Variants in DLGAP2 observed in about 807,000 individuals in gnomAD.
The protein encoded by DLGAP2 is disks large-associated protein 2.
DLGAP2 carries 26 observed loss-of-function variants against 100.3 expected under a neutral mutation model. The ratio of observed to expected loss-of-function variants is 0.26; its 90% CI spans 0.19 to 0.36. The LOEUF (loss-of-function observed/expected upper bound fraction) is 0.36. DLGAP2 is among the 10% of genes least tolerant of loss of function. The pLI is 1.00. For missense variants in DLGAP2, 1,858 were observed against 1,453.2 expected (o/e 1.28, Z -4.53); for synonymous variants, 886 against 630.1 (o/e 1.41, Z -6.08).
chr8:1,201,546 G>A (rs188755968), intron 2 of DLGAP2, among the ~76,000 whole-genome samples: 13 of 152,306 alleles, frequency 8.5e-5, no homozygotes, highest in African/African-American at 2.9e-4. Flanking sequence ...TCGCATCTCC[G>A]GACGGATATA....
chr8:1,364,031 C>T (rs371259491), intron 3 of DLGAP2, among the ~76,000 whole-genome samples: 1 of 152,182 alleles, frequency 6.6e-6, no homozygotes, highest in African/African-American at 2.4e-5. Context: ...CACTGATCCT[C>T]ATGGAACCCC....
chr8:1,368,178 G>A (rs1802151560), intron 3 of DLGAP2, among the ~76,000 whole-genome samples: 1 of 152,144 alleles, frequency 6.6e-6, no homozygotes, highest in Non-Finnish European at 1.5e-5. Context: ...GCATGTGTGT[G>A]TGTATGTGCA....
At chr8:1,662,279 A>G (rs1259308676) in intron 8 of DLGAP2, among the ~76,000 whole-genome samples, 3 of 152,246 alleles carry the variant, frequency 2.0e-5, no homozygotes, top group Non-Finnish European at 4.4e-5. Context: ...GCTTAAGCCC[A>G]TTAGTTAATA....
At chr8:1,266,450 C>T (rs919507341) in intron 3 of DLGAP2, among the ~76,000 whole-genome samples, 1 of 152,198 alleles carries the variant, frequency 6.6e-6, no homozygotes, top group Admixed American at 6.5e-5. Flanking sequence ...AATCCCTCTC[C>T]CCATCAACCT....
intron 1 of DLGAP2, among the ~76,000 whole-genome samples, chr8:885,819 T>G (rs543043813): frequency 2.4e-4 from 37 of 152,366 alleles, no homozygotes; most frequent in African/African-American, 8.4e-4. Context: ...ATTGAGAGTG[T>G]TTAACAATCA....
At chr8:1,514,946 C>G (rs1800308093) in intron 4 of DLGAP2, among the ~76,000 whole-genome samples, 1 of 152,138 alleles carries the variant, frequency 6.6e-6, no homozygotes, top group Non-Finnish European at 1.5e-5. Context: ...CGGGCAGGAG[C>G]ACGCAGGGAG....
chr8:1,383,680 C>T (rs954929686), intron 3 of DLGAP2, among the ~76,000 whole-genome samples: 1 of 152,158 alleles, frequency 6.6e-6, no homozygotes, highest in Non-Finnish European at 1.5e-5. Flanking sequence ...CCACCTGGCC[C>T]AGGGCTGAGG....
chr8:1,531,660 T>G (rs1800994366), intron 4 of DLGAP2, among the ~76,000 whole-genome samples: 1 of 152,208 alleles, frequency 6.6e-6, no homozygotes, highest in Non-Finnish European at 1.5e-5. Context: ...CTTTTTTATA[T>G]TTTAATATTC....
intron 2 of DLGAP2, among the ~76,000 whole-genome samples, chr8:1,154,808 G>C (rs1007979357): frequency 6.6e-6 from 1 of 152,134 alleles, no homozygotes; most frequent in Non-Finnish European, 1.5e-5. Flanking sequence ...ATAAGACTGT[G>C]GGCCTGACAA....
chr8:905,065 G>A (rs1798348130), intron 1 of DLGAP2, among the ~76,000 whole-genome samples: 1 of 152,178 alleles, frequency 6.6e-6, no homozygotes, highest in Admixed American at 6.5e-5. Flanking sequence ...GTCAACGTTA[G>A]GGGTGAGCGC....
intron 4 of DLGAP2, among the ~76,000 whole-genome samples, chr8:1,519,916 G>C (rs1800528690): frequency 6.6e-6 from 1 of 152,232 alleles, no homozygotes; most frequent in Non-Finnish European, 1.5e-5. Context: ...GGGCGTGGCT[G>C]GGTTTGGGTC....
intron 4 of DLGAP2, among the ~76,000 whole-genome samples, chr8:1,522,085 G>C (rs1428866555): frequency 6.6e-6 from 1 of 150,626 alleles, no homozygotes; most frequent in South Asian, 2.1e-4. Context: ...CAGGTGATTT[G>C]GGGTGTCTCT....
intron 1 of DLGAP2, among the ~76,000 whole-genome samples, chr8:848,213 C>T (rs1363199851): frequency 6.6e-6 from 1 of 152,204 alleles, no homozygotes; most frequent in South Asian, 2.1e-4. Context: ...ATCTATATTG[C>T]TATATGAATC....
chr8:986,665 T>TTTC (rs1053468951), intron 2 of DLGAP2, among the ~76,000 whole-genome samples: 1 of 151,232 alleles, frequency 6.6e-6, no homozygotes, highest in Non-Finnish European at 1.5e-5. Context: ...GTATTTGATT[T>TTTC]TTTTTTTTTT....
rs79569694 is a variant in DLGAP2 at position 1,410,993 on chromosome 8, G to T, written c.107-90373G>T. ...ATAGTGTTGTACGTTACTTTGACTT[G>T]CCAGCTAAACTAATATTTCTGTGGG... On this transcript the variant is annotated intron_variant, in intron 3 of 14. Transcript: ENST00000637795. Among the ~76,000 whole-genome samples the T allele has an allele frequency of 1.1e-3, 170 of 152,170 alleles. 3 individuals carry two copies. In the East Asian group the frequency reaches 0.03, roughly 26 times the overall value.
chr8:782,222 A>C (rs1487771057), intron 1 of DLGAP2, among the ~76,000 whole-genome samples: 2 of 146,330 alleles, frequency 1.4e-5, no homozygotes, highest in East Asian at 3.9e-4. Flanking sequence ...TAAAAGTTAG[A>C]GCTTTAAAAA....
At position 1,678,789 on chromosome 8, in the gene DLGAP2, T is replaced by A. The variant is rs190353202; in HGVS notation, c.2704+160T>A. On this transcript the variant is annotated intron_variant, in intron 12 of 14. Coordinates refer to ENST00000637795, the MANE Select transcript of DLGAP2 (RefSeq NM_001346810.2). Reference sequence around the variant, plus strand: ...TATCCCCCTCAATTCTAAGAAAAGATATAAATTACATGAAAAGAGAAGCAG... The same window carrying A: ...TATCCCCCTCAATTCTAAGAAAAGAAATAAATTACATGAAAAGAGAAGCAG... 68 of 788,034 alleles carry A rather than the reference T, an allele frequency of 8.6e-5. 1 individual carries two copies. In the African/African-American group the frequency reaches 9.9e-4, roughly 11 times the overall value. The allele number at this position is 788,034 out of a possible 1,614,324, so 48.8% of individuals were successfully genotyped here.
chr8:1,302,192 C>G (rs62483944), intron 3 of DLGAP2: 15,168 of 118,316 alleles, frequency 0.13, 776 homozygotes, highest in Middle Eastern at 0.22. Flanking sequence ...TACCTGGGAC[C>G]GGACTCGGAA....
intron 12 of DLGAP2, among the ~76,000 whole-genome samples, chr8:1,683,496 T>C (rs1013570385): frequency 1.3e-5 from 2 of 151,252 alleles, no homozygotes; most frequent in African/African-American, 4.8e-5. Flanking sequence ...TGATGGAACT[T>C]GCCTAAAGCT....
Sources: allele counts gnomAD v4.1 joint callset (sites outside exome capture counted in the v4.1 genomes callset), GRCh38; gene constraint gnomAD v4.1.1; transcripts MANE v1.5; gene names NCBI Gene and HGNC (gene_info 2026-07-23, HGNC 2026-07-21).